Variants in COBL observed in about 807,000 individuals in gnomAD.
The protein encoded by COBL is protein cordon-bleu.
In COBL, 51 loss-of-function variants were observed where a neutral mutation model predicts 98.8. That is an observed-to-expected ratio of 0.52 (90% confidence interval 0.41 to 0.65). The LOEUF (loss-of-function observed/expected upper bound fraction) is 0.65, where lower values mean the gene tolerates loss of function less well. COBL is among the 30% of genes least tolerant of loss of function. The pLI is 0.00. For synonymous variants in COBL, 634 were observed against 651.7 expected (o/e 0.97, Z 0.41); for missense variants, 1,617 against 1,617.5 (o/e 1.00, Z 0.01).
intron 1 of COBL, among the ~76,000 whole-genome samples, chr7:51,229,897 C>G (rs1390522065): frequency 6.6e-6 from 1 of 152,168 alleles, no homozygotes; most frequent in Non-Finnish European, 1.5e-5. Flanking sequence ...CCTGTCCAAG[C>G]AAGGGCCCGA....
At chr7:51,273,244 G>A (rs1271540575) in intron 1 of COBL, among the ~76,000 whole-genome samples, 6 of 149,530 alleles carry the variant, frequency 4.0e-5, no homozygotes, top group African/African-American at 7.5e-5. Flanking sequence ...CAGGAGAATC[G>A]CTTGAACCTG....
intron 6 of COBL, 115 bp from the exon 7 acceptor site, chr7:51,085,419 TC>T: frequency 8.5e-7 from 1 of 1,182,750 alleles, no homozygotes; most frequent in Non-Finnish European, 1.2e-6. Context: ...AAGGTGGTGC[TC>T]CAGGAGGGTT....
chr7:51,273,327 C>CAAAAA (rs953811880), intron 1 of COBL, among the ~76,000 whole-genome samples: 6 of 59,456 alleles, frequency 1.0e-4, no homozygotes, highest in Admixed American at 2.0e-4. Flanking sequence ...GACTCCATCT[C>CAAAAA]AAAAAAAAAA....
At chr7:51,187,492 T>A (rs1222880572) in intron 4 of COBL, among the ~76,000 whole-genome samples, 2 of 152,032 alleles carry the variant, frequency 1.3e-5, no homozygotes, top group East Asian at 3.9e-4. Flanking sequence ...ACAGAAAAGG[T>A]TAAATTTTAA....
At chr7:51,110,664 G>T (rs9969155) in intron 6 of COBL, among the ~76,000 whole-genome samples, 3,170 of 152,244 alleles carry the variant, frequency 0.021, 37 homozygotes, top group Middle Eastern at 0.037. Context: ...CACCATATTT[G>T]TTGTCTTTTA....
At chr7:51,254,073 T>TG (rs2129140353) in intron 1 of COBL, among the ~76,000 whole-genome samples, 1 of 151,478 alleles carries the variant, frequency 6.6e-6, no homozygotes, top group South Asian at 2.1e-4. Context: ...TTTGAGTTGT[T>TG]TTTTTTTTGT....
chr7:51,036,454 T>C (rs1788650449), intron 8 of COBL, among the ~76,000 whole-genome samples: 1 of 151,906 alleles, frequency 6.6e-6, no homozygotes, highest in African/African-American at 2.4e-5. Flanking sequence ...TTCAAGGTTC[T>C]AGGTGGTGCC....
At chr7:51,278,096 T>C (rs79999854) in intron 1 of COBL, among the ~76,000 whole-genome samples, 7,346 of 152,218 alleles carry the variant, frequency 0.048, 584 homozygotes, top group African/African-American at 0.17. Context: ...ACTAAAAACA[T>C]AGTGGCCAGC....
intron 1 of COBL, among the ~76,000 whole-genome samples, chr7:51,264,299 A>G (rs751843963): frequency 3.3e-5 from 5 of 152,200 alleles, no homozygotes; most frequent in Non-Finnish European, 7.3e-5. Flanking sequence ...GGATGCAGCC[A>G]CACAGGGCAC....
At chr7:51,027,615 C>A in intron 10 of COBL, 97 bp downstream of exon 10, 1 of 1,042,772 alleles carries the variant, frequency 9.6e-7, no homozygotes, top group Non-Finnish European at 1.4e-6. Context: ...ATCCTAATCC[C>A]GTCTCTCTCT....
At chr7:51,068,920 A>G (rs1049541670) in intron 7 of COBL, among the ~76,000 whole-genome samples, 5 of 152,202 alleles carry the variant, frequency 3.3e-5, no homozygotes, top group Non-Finnish European at 4.4e-5. Context: ...CTCACTCTTC[A>G]CATCTAAGGT....
At chr7:51,058,625 T>A in intron 7 of COBL, among the ~76,000 whole-genome samples, 1 of 152,074 alleles carries the variant, frequency 6.6e-6, no homozygotes. Flanking sequence ...CTGTGCGGAT[T>A]CAACTGTGGC....
At chr7:51,061,427 A>G (rs560378260) in intron 7 of COBL, among the ~76,000 whole-genome samples, 15 of 152,222 alleles carry the variant, frequency 9.9e-5, no homozygotes, top group Admixed American at 5.9e-4. Flanking sequence ...TCTCTTCTGG[A>G]AGGGATGAGT....
At chr7:51,138,161 T>A (rs1196510228) in intron 5 of COBL, among the ~76,000 whole-genome samples, 1 of 152,008 alleles carries the variant, frequency 6.6e-6, no homozygotes, top group Non-Finnish European at 1.5e-5. Flanking sequence ...AGGTGCAGAG[T>A]TCCCATAGGA....
chr7:51,296,349 G>C (rs1421244667), intron 1 of COBL, among the ~76,000 whole-genome samples: 1 of 152,036 alleles, frequency 6.6e-6, no homozygotes, highest in East Asian at 1.9e-4. Context: ...TGACAACACA[G>C]AGACAATCAT....
At position 51,028,194 on chromosome 7, in the gene COBL, C is replaced by G; in HGVS notation, c.2902G>C (p.Ala968Pro). The change falls in exon 10 of 13, where the codon GCT becomes CCT. Residue 968 changes from alanine (A) to proline (P), a missense_variant. Ala to Pro is a conservative substitution (Grantham distance 27, BLOSUM62 -1). Transcript: ENST00000265136. ...AAACAGGAGCTTCTGTGGATAGCAG[C>G]AGGTCTGTCCTGAGTAGACAACTTC... ...HRKLSTQDRP[A>P]AIHRSSCFSL... is the part of the protein sequence containing the mutation. 1 of 1,614,268 alleles carries G rather than the reference C, an allele frequency of 6.2e-7. No individual in the cohort carries two copies. Among genetic ancestry groups the G allele is most frequent in the Non-Finnish European group, 8.5e-7 (1 of 1,180,042 alleles).
intron 6 of COBL, among the ~76,000 whole-genome samples, chr7:51,107,295 A>T (rs1332839556): frequency 2.0e-5 from 3 of 152,018 alleles, no homozygotes; most frequent in African/African-American, 7.2e-5. Context: ...GGGTTTCACC[A>T]TATTGGTCAG....
At chr7:51,231,567 G>A (rs1794761180) in intron 1 of COBL, among the ~76,000 whole-genome samples, 1 of 152,226 alleles carries the variant, frequency 6.6e-6, no homozygotes, top group Non-Finnish European at 1.5e-5. Context: ...TGAAACAAAT[G>A]CCTGTGTCCT....
At chr7:51,102,098 G>A (rs1328367262) in intron 6 of COBL, among the ~76,000 whole-genome samples, 1 of 152,158 alleles carries the variant, frequency 6.6e-6, no homozygotes, top group Non-Finnish European at 1.5e-5. Flanking sequence ...CGAGTCTTCT[G>A]GCGCCATGAT....
Sources: gnomAD v4.1 joint callset for allele counts (sites outside exome capture counted in the v4.1 genomes callset) on GRCh38, gnomAD v4.1.1 for gene constraint, MANE v1.5 for transcripts, NCBI Gene and HGNC (gene_info 2026-07-23, HGNC 2026-07-21) for gene names.